Variants in CERS6 observed in about 807,000 individuals in gnomAD.
CERS6 encodes the protein ceramide synthase 6.
In CERS6, 26 loss-of-function variants were observed where a neutral mutation model predicts 56.8. The ratio of observed to expected loss-of-function variants is 0.46; its 90% CI spans 0.34 to 0.63. The LOEUF (loss-of-function observed/expected upper bound fraction) is 0.63. CERS6 is among the 30% of genes least tolerant of loss of function. CERS6 has a pLI of 0.01. For synonymous variants in CERS6, 164 were observed against 173.3 expected, an observed-to-expected ratio of 0.95 and a Z score of 0.42; for missense variants, 415 against 467.5, an observed-to-expected ratio of 0.89 and a Z score of 1.04.
intron 4 of CERS6, among the ~76,000 whole-genome samples, chr2:168,634,517 A>T (rs1315892843): frequency 2.0e-5 from 3 of 152,068 alleles, no homozygotes; most frequent in African/African-American, 7.2e-5. Context: ...GGTTCAAACG[A>T]TTCTTGTGCC....
intron 8 of CERS6, among the ~76,000 whole-genome samples, chr2:168,747,081 C>T (rs887647485): frequency 6.6e-6 from 1 of 151,614 alleles, no homozygotes; most frequent in Non-Finnish European, 1.5e-5. Context: ...AATTTTTAAT[C>T]TAGCCTAGGC....
chr2:168,717,649 G>A (rs1388654848), intron 7 of CERS6, among the ~76,000 whole-genome samples: 1 of 152,114 alleles, frequency 6.6e-6, no homozygotes, highest in Non-Finnish European at 1.5e-5. Flanking sequence ...TAACAGTCAG[G>A]AATTCTACTT....
intron 3 of CERS6, among the ~76,000 whole-genome samples, chr2:168,610,490 A>G (rs1428274074): frequency 6.6e-6 from 1 of 152,196 alleles, no homozygotes; most frequent in African/African-American, 2.4e-5. Context: ...TAGCATAATA[A>G]CAAATAGAAT....
intron 4 of CERS6, among the ~76,000 whole-genome samples, 158 bp downstream of exon 4, chr2:168,631,200 C>T (rs1201606806): frequency 1.4e-4 from 21 of 150,374 alleles, no homozygotes; most frequent in African/African-American, 4.4e-4. Flanking sequence ...AAAAATATTT[C>T]GGATGTTGCT....
chr2:168,535,318 C>T (rs916717451), intron 1 of CERS6, among the ~76,000 whole-genome samples: 6 of 152,194 alleles, frequency 3.9e-5, no homozygotes, highest in Non-Finnish European at 7.3e-5. Flanking sequence ...GGAGTTGGGA[C>T]GCTAGGCCCC....
intron 4 of CERS6, among the ~76,000 whole-genome samples, chr2:168,667,892 C>CT (rs1685804995): frequency 6.6e-6 from 1 of 152,104 alleles, no homozygotes; most frequent in Admixed American, 6.6e-5. Context: ...ATGGAGGGAC[C>CT]TTCTGTGAAG....
chr2:168,738,915 C>CT (rs1047928466), intron 8 of CERS6, among the ~76,000 whole-genome samples: 2 of 152,150 alleles, frequency 1.3e-5, no homozygotes, highest in African/African-American at 4.8e-5. Context: ...GAGACAGAGT[C>CT]TCACTCTGTT....
intron 3 of CERS6, among the ~76,000 whole-genome samples, chr2:168,613,151 T>G (rs985489215): frequency 1.3e-5 from 2 of 152,210 alleles, no homozygotes; most frequent in African/African-American, 4.8e-5. Context: ...TGAATAATAG[T>G]GTCCTTGACA....
At chr2:168,704,633 G>C (rs913898031) in intron 6 of CERS6, among the ~76,000 whole-genome samples, 1 of 152,142 alleles carries the variant, frequency 6.6e-6, no homozygotes, top group African/African-American at 2.4e-5. Context: ...TTTGAGACGA[G>C]TCTCGCTTTG....
intron 4 of CERS6, among the ~76,000 whole-genome samples, chr2:168,666,365 C>T (rs761246252): frequency 6.6e-6 from 1 of 152,136 alleles, no homozygotes; most frequent in Non-Finnish European, 1.5e-5. Flanking sequence ...TTACTTTCTC[C>T]AAAGTTTTAC....
rs57792343 is a variant in CERS6, at chr2:168,586,213, TA to T, written c.407+24905del. 7.6e-3 allele frequency among the ~76,000 whole-genome samples: 1,060 copies of T among 139,468 alleles called. 5 individuals carry two copies. Among genetic ancestry groups the T allele is most frequent in the African/African-American group, 0.017 (655 of 38,322 alleles). 91.5% of individuals were successfully genotyped at this position (139,468 alleles called of 152,430 possible). ...ATTGCCGGGGCTGGTAAGATACCTTTAAAAAAAAAAAAAAGGAAAAAGGAAG... is the reference window on the plus strand; with the variant it reads ...ATTGCCGGGGCTGGTAAGATACCTTTAAAAAAAAAAAAAGGAAAAAGGAAG... On this transcript the variant is annotated intron_variant, in intron 3 of 9. Coordinates refer to ENST00000305747, the MANE Select transcript of CERS6 (RefSeq NM_203463.3).
intron 8 of CERS6, among the ~76,000 whole-genome samples, chr2:168,763,884 G>A (rs1684652506): frequency 6.6e-6 from 1 of 152,144 alleles, no homozygotes; most frequent in Admixed American, 6.5e-5. Flanking sequence ...CCAAAATTAT[G>A]CAGGTGCTGT....
chr2:168,577,699 CA>C (rs1317888307), intron 3 of CERS6, among the ~76,000 whole-genome samples: 1 of 152,090 alleles, frequency 6.6e-6, no homozygotes, highest in African/African-American at 2.4e-5. Context: ...GAAGTCCAGA[CA>C]GGGGCATAGG....
chr2:168,456,936 A>G lies in CERS6; in HGVS notation c.170+318A>G, dbSNP rs1693677237. Among the ~76,000 whole-genome samples the G allele has an allele frequency of 6.6e-6, 1 of 152,120 alleles. No homozygotes were observed. The highest frequency in any genetic ancestry group is 2.1e-4 in the South Asian group (1 of 4,826). On this transcript the variant is annotated intron_variant, in intron 1 of 9. Transcript: ENST00000305747. This position sits in a 1 kb window ranked among gnomAD's most constrained non-coding sequence, Gnocchi z 4.1. ...ACAAAGGTGAGCGGTGGTCGGGCTC[A>G]GGACCCGCCGCATTCCGCGGGGCTC... is the stretch of plus-strand genomic sequence containing the variant.
At chr2:168,614,840 C>A (rs1684277276) in intron 3 of CERS6, among the ~76,000 whole-genome samples, 1 of 152,098 alleles carries the variant, frequency 6.6e-6, no homozygotes, top group African/African-American at 2.4e-5. Flanking sequence ...AGGTCCCCAT[C>A]CACTGCCTGA....
chr2:168,547,452 T>A, intron 1 of CERS6, 144 bp from the exon 2 acceptor site: 2 of 634,468 alleles, frequency 3.2e-6, no homozygotes, highest in Non-Finnish European at 5.6e-6. Flanking sequence ...TTACAGTTAC[T>A]GACAGGAGTG....
intron 4 of CERS6, among the ~76,000 whole-genome samples, chr2:168,652,610 G>T (rs571006665): frequency 0.028 from 3,918 of 140,288 alleles, 165 homozygotes; most frequent in African/African-American, 0.093. Flanking sequence ...ATGAATTGTT[G>T]TTTTTTTTTT....
intron 6 of CERS6, among the ~76,000 whole-genome samples, chr2:168,696,851 C>T (rs925507552): frequency 2.0e-5 from 3 of 152,098 alleles, no homozygotes; most frequent in African/African-American, 7.2e-5. Flanking sequence ...GCATTTAGTC[C>T]CCAGCAAGCA....
intron 1 of CERS6, among the ~76,000 whole-genome samples, chr2:168,532,502 A>G (rs1695186976): frequency 6.6e-6 from 1 of 152,004 alleles, no homozygotes; most frequent in Non-Finnish European, 1.5e-5. Flanking sequence ...TACAGGTACT[A>G]AAAATGGCCT....
Sources: gnomAD v4.1 joint callset for allele counts (sites outside exome capture counted in the v4.1 genomes callset) on GRCh38, gnomAD v4.1.1 for gene constraint, Gnocchi (gnomAD v3.1) non-coding constraint, MANE v1.5 for transcripts, NCBI Gene and HGNC (gene_info 2026-07-23, HGNC 2026-07-21) for gene names.